Variants in FREM1 observed in about 807,000 individuals in gnomAD.
FREM1 encodes FRAS1-related extracellular matrix protein 1.
In FREM1, 220 loss-of-function variants were observed where a neutral mutation model predicts 210.1. The ratio of observed to expected loss-of-function variants is 1.05; its 90% CI spans 0.94 to 1.17. The LOEUF (loss-of-function observed/expected upper bound fraction) is 1.17, where lower values mean the gene tolerates loss of function less well. Ranked by LOEUF, FREM1 falls within the 50% of genes most tolerant of loss-of-function variation. FREM1 has a pLI of 0.00. For missense variants in FREM1, 3,454 were observed against 2,675.5 expected, an observed-to-expected ratio of 1.29 and a Z score of -6.42; for synonymous variants, 1,189 against 980.2, an observed-to-expected ratio of 1.21 and a Z score of -3.98.
rs144704694 is a variant in FREM1, at chr9:14,832,899, G to A, written c.1882-7907C>T. On this transcript the variant is annotated intron_variant, in intron 10 of 36. Coordinates refer to ENST00000380880, the MANE Select transcript of FREM1 (RefSeq NM_001379081.2). ...GCGTGTCTTTCTGTATGGATCTACC[G>A]AAGAAAAGGTATCTTAGGTTAGGAT... Among the ~76,000 whole-genome samples, 507 of 152,224 alleles carry A rather than the reference G, an allele frequency of 3.3e-3. 1 individual carries two copies. Among genetic ancestry groups the A allele is most frequent in the Admixed American group, 4.6e-3 (70 of 15,292 alleles).
intron 1 of FREM1, among the ~76,000 whole-genome samples, chr9:14,877,142 A>G (rs79067490): frequency 0.01 from 1,578 of 152,172 alleles, 34 homozygotes; most frequent in African/African-American, 0.036. Context: ...CCTGTTTTGT[A>G]TCTACACTCA....
At chr9:14,813,978 C>A (rs10961726) in intron 15 of FREM1, among the ~76,000 whole-genome samples, 2 of 152,142 alleles carry the variant, frequency 1.3e-5, no homozygotes, top group African/African-American at 4.8e-5. Context: ...CTGGCCTTAT[C>A]CCATGCTATG....
chr9:14,867,533 C>A (rs945940328), intron 2 of FREM1, among the ~76,000 whole-genome samples: 1 of 152,200 alleles, frequency 6.6e-6, no homozygotes, highest in Non-Finnish European at 1.5e-5. Flanking sequence ...AAGTGAGACC[C>A]TCTTCCAAAG....
rs1389668840 is a variant in FREM1, at chr9:14,819,340, G to C, written c.2440C>G (p.Leu814Val). Residue 814 changes from leucine to valine, a missense_variant, in exon 14 of 37, where the codon CTC becomes GTC. By Grantham distance (32) the Leu-to-Val change is conservative. Coordinates refer to ENST00000380880, the MANE Select transcript of FREM1 (RefSeq NM_001379081.2). ...TGCAGAGGCAATTCCCGCAGGGAGA[G>C]GTCAATATTGTCCAGCTTGGTATCT... is the stretch of plus-strand genomic sequence containing the variant. ...DADTKLDNID[L>V]SLRELPLHGR... 7 of 1,613,594 alleles carry C rather than the reference G, an allele frequency of 4.3e-6. No individual in the cohort carries two copies. Among genetic ancestry groups the C allele is most frequent in the East Asian group, 2.2e-5 (1 of 44,874 alleles).
At chr9:14,892,213 G>T (rs1047270497) in intron 1 of FREM1, among the ~76,000 whole-genome samples, 1 of 152,042 alleles carries the variant, frequency 6.6e-6, no homozygotes, top group African/African-American at 2.4e-5. Context: ...GCTAACTCTG[G>T]GTAAGTGGTG....
At chr9:14,888,418 T>C (rs1010591114) in intron 1 of FREM1, among the ~76,000 whole-genome samples, 4 of 152,226 alleles carry the variant, frequency 2.6e-5, no homozygotes, top group Non-Finnish European at 5.9e-5. Context: ...TCCTATAGTA[T>C]GCAGGAAATT....
chr9:14,805,010 A>G lies in FREM1; in HGVS notation c.3417T>C (p.Ile1139=). 6.2e-7 allele frequency: 1 copy of G among 1,613,838 alleles called. No individual in the cohort carries two copies. The highest frequency in any genetic ancestry group is 8.5e-7 in the Non-Finnish European group (1 of 1,179,728). The change falls in exon 19 of 37, where the codon ATT becomes ATC. Residue 1139 remains isoleucine (I), a synonymous_variant. Coordinates refer to ENST00000380880, the MANE Select transcript of FREM1 (RefSeq NM_001379081.2). ...CTTCATCATTTGTGGGGTTGATTATAATAGAAAATGGTATCTCCAAGGAGT... is the reference window on the plus strand; with the variant it reads ...CTTCATCATTTGTGGGGTTGATTATGATAGAAAATGGTATCTCCAAGGAGT... The part of the protein sequence containing the change: ...KHHSLEIPFS[I]IINPTNDEAP...
rs113969431 is a variant in FREM1 at position 14,821,136 on chromosome 9, G to A, written c.2338-1694C>T. Among the ~76,000 whole-genome samples, 28 of 152,226 alleles carry A rather than the reference G, an allele frequency of 1.8e-4. 1 individual carries two copies. In the East Asian group the frequency reaches 3.5e-3, roughly 19 times the overall value. On this transcript the variant is annotated intron_variant, in intron 13 of 36. Transcript: ENST00000380880. ...GTTAGCATGGTGTCAACATCCTCCC[G>A]TGGTTATCACTTGGCCAGCTCTCTG... is the stretch of plus-strand genomic sequence containing the variant.
chr9:14,867,868 A>G (rs1443050093), intron 2 of FREM1, among the ~76,000 whole-genome samples: 1 of 152,208 alleles, frequency 6.6e-6, no homozygotes, highest in Non-Finnish European at 1.5e-5. Context: ...TTTTAAAATT[A>G]TGTATAGTGG....
chr9:14,821,757 T>G (rs932789100), intron 13 of FREM1, among the ~76,000 whole-genome samples: 8 of 152,198 alleles, frequency 5.3e-5, no homozygotes, highest in Non-Finnish European at 1.0e-4. Context: ...TTAGATGGTC[T>G]GGAGAGCACG....
intron 1 of FREM1, among the ~76,000 whole-genome samples, chr9:14,873,805 A>G (rs375587853): frequency 1.6e-4 from 24 of 152,022 alleles, no homozygotes; most frequent in Admixed American, 6.6e-4. Context: ...GTGGGCATTT[A>G]GTGCTATAAA....
intron 1 of FREM1, among the ~76,000 whole-genome samples, chr9:14,898,182 TC>T (rs1400649575): frequency 2.0e-5 from 3 of 152,116 alleles, no homozygotes; most frequent in Non-Finnish European, 4.4e-5. Context: ...TGAGCAAGGT[TC>T]CTATTCTTCC....
At chr9:14,828,896 G>C (rs1278669091) in intron 10 of FREM1, among the ~76,000 whole-genome samples, 1 of 152,176 alleles carries the variant, frequency 6.6e-6, no homozygotes, top group Non-Finnish European at 1.5e-5. Flanking sequence ...TGACGGTACA[G>C]TTATAGTCCT....
chr9:14,866,231 G>A (rs1393575860), intron 2 of FREM1, among the ~76,000 whole-genome samples: 1 of 152,176 alleles, frequency 6.6e-6, no homozygotes, highest in East Asian at 1.9e-4. Flanking sequence ...ATCAGAGAGT[G>A]TGAGATGGAG....
intron 16 of FREM1, among the ~76,000 whole-genome samples, chr9:14,809,125 C>T (rs1437925852): frequency 6.6e-6 from 1 of 152,198 alleles, no homozygotes; most frequent in Non-Finnish European, 1.5e-5. Flanking sequence ...GAATGAGTCT[C>T]ATGAGATCCA....
Position 14,874,496 on chromosome 9 carries a change from C to G in FREM1, c.-267-5252G>C, listed in dbSNP as rs534021815. On this transcript the variant is annotated intron_variant, in intron 1 of 36. Coordinates refer to ENST00000380880, the MANE Select transcript of FREM1 (RefSeq NM_001379081.2). Reference sequence around the variant, plus strand: ...CAGAGACTAGGATTGCAACCCCTGCCTTTTTTTGTTTTCCATTTGCTTGGT... The same window carrying G: ...CAGAGACTAGGATTGCAACCCCTGCGTTTTTTTGTTTTCCATTTGCTTGGT... Among the ~76,000 whole-genome samples the G allele has an allele frequency of 3.8e-3, 563 of 149,606 alleles. 2 individuals are homozygous for G. The highest frequency in any genetic ancestry group is 0.013 in the African/African-American group (531 of 40,320).
intron 31 of FREM1, 40 bp from the exon 32 acceptor site, chr9:14,747,768 T>C: frequency 1.5e-6 from 2 of 1,301,054 alleles, no homozygotes; most frequent in Non-Finnish European, 1.1e-6. Flanking sequence ...AGAATTGGAT[T>C]GACTAATAAC....
At chr9:14,877,731 T>A (rs1834034487) in intron 1 of FREM1, among the ~76,000 whole-genome samples, 1 of 152,128 alleles carries the variant, frequency 6.6e-6, no homozygotes, top group East Asian at 1.9e-4. Flanking sequence ...TGGAAGTGGC[T>A]TCTTCCTAAG....
intron 27 of FREM1, among the ~76,000 whole-genome samples, chr9:14,762,576 G>A (rs563703018): frequency 4.5e-4 from 68 of 152,064 alleles, no homozygotes; most frequent in African/African-American, 1.6e-3. Context: ...ACGTTTATAG[G>A]TCAAGGTGGT....
Sources: gnomAD v4.1 joint callset for allele counts (sites outside exome capture counted in the v4.1 genomes callset) on GRCh38, gnomAD v4.1.1 for gene constraint, MANE v1.5 for transcripts, NCBI Gene and HGNC (gene_info 2026-07-23, HGNC 2026-07-21) for gene names.